L3MBTL4: variants seen among roughly 807,000 people sequenced by gnomAD.
L3MBTL4 encodes the protein lethal(3)malignant brain tumor-like protein 4.
L3MBTL4 carries 70 observed loss-of-function variants against 84.5 expected under a neutral mutation model. The observed-to-expected ratio is 0.83, with a 90% CI of 0.68 to 1.01. The LOEUF is 1.01. L3MBTL4 is among the 50% of genes least tolerant of loss of function. The pLI is 0.00. For synonymous variants in L3MBTL4, 274 were observed against 259.8 expected, an observed-to-expected ratio of 1.05 and a Z score of -0.52; for missense variants, 715 against 754.8, an observed-to-expected ratio of 0.95 and a Z score of 0.62.
At chr18:6,116,291 G>A (rs1261644913) in intron 14 of L3MBTL4, among the ~76,000 whole-genome samples, 1 of 152,076 alleles carries the variant, frequency 6.6e-6, no homozygotes, top group Non-Finnish European at 1.5e-5. Context: ...TGGGGGCATG[G>A]GAACGGGAGG....
rs139603909 is a variant in L3MBTL4 at position 6,320,090 on chromosome 18, A to G, written c.-90-8034T>C. 1.4e-3 allele frequency among the ~76,000 whole-genome samples: 209 copies of G among 152,148 alleles called. 5 individuals carry two copies. The East Asian group carries it at 0.035, about 26-fold the overall frequency. ...AGAAAAAATAAATTATAAAAACTCCAGTATCCCTTTATGATAAAAAACCCT... is the reference window on the plus strand; with the variant it reads ...AGAAAAAATAAATTATAAAAACTCCGGTATCCCTTTATGATAAAAAACCCT... On this transcript the variant is annotated intron_variant, in intron 1 of 18. Coordinates refer to ENST00000317931, the MANE Select transcript of L3MBTL4 (RefSeq NM_001330559.2).
At chr18:6,128,685 A>G (rs997600438) in intron 14 of L3MBTL4, among the ~76,000 whole-genome samples, 1 of 152,144 alleles carries the variant, frequency 6.6e-6, no homozygotes, top group Non-Finnish European at 1.5e-5. Context: ...TAGAAAAGTA[A>G]CTCCCTCGCA....
At position 6,394,664 on chromosome 18, in the gene L3MBTL4, T is replaced by C. The variant is rs1173489884; in HGVS notation, c.-91+20137A>G. On this transcript the variant is annotated intron_variant, in intron 1 of 18. Transcript: ENST00000317931. ...AGGCACCCAATAATTATTTGTGGAA[T>C]AAAGAAACTAGGCATTATACACCAA... Among the ~76,000 whole-genome samples, 38 of 152,072 alleles carry C rather than the reference T, an allele frequency of 2.5e-4. 1 individual carries two copies. The highest frequency in any genetic ancestry group is 7.4e-5 in the Non-Finnish European group (5 of 67,982).
chr18:5,981,256 T>G (rs910224103), intron 16 of L3MBTL4, among the ~76,000 whole-genome samples: 1 of 152,238 alleles, frequency 6.6e-6, no homozygotes, highest in Admixed American at 6.5e-5. Context: ...TTCTTTGTTA[T>G]GCAAGTAAAA....
At chr18:6,406,606 A>G (rs2055746507) in intron 1 of L3MBTL4, among the ~76,000 whole-genome samples, 1 of 152,128 alleles carries the variant, frequency 6.6e-6, no homozygotes, top group Admixed American at 6.5e-5. Context: ...GTCTGGAGAT[A>G]GTTTTCGTTG....
intron 16 of L3MBTL4, among the ~76,000 whole-genome samples, chr18:6,033,690 C>A (rs1170096670): frequency 6.6e-6 from 1 of 151,988 alleles, no homozygotes; most frequent in Non-Finnish European, 1.5e-5. Flanking sequence ...GCAAAAAATC[C>A]TTTTCCACTT....
chr18:6,056,262 CTTCGGACTTCAG>C (rs936220049), intron 16 of L3MBTL4, among the ~76,000 whole-genome samples: 1 of 152,108 alleles, frequency 6.6e-6, no homozygotes, highest in Non-Finnish European at 1.5e-5. Context: ...TGGCTTTTGC[CTTCGGACTTCAG>C]CGCCAATCTA....
chr18:6,350,070 C>T (rs558586744), intron 1 of L3MBTL4, among the ~76,000 whole-genome samples: 1 of 152,164 alleles, frequency 6.6e-6, no homozygotes, highest in Non-Finnish European at 1.5e-5. Context: ...AATAATGGAG[C>T]TGGTCCTTTA....
intron 1 of L3MBTL4, among the ~76,000 whole-genome samples, chr18:6,370,452 C>G (rs1207487797): frequency 6.6e-6 from 1 of 152,134 alleles, no homozygotes; most frequent in Non-Finnish European, 1.5e-5. Flanking sequence ...CAATGGGAAC[C>G]CAGATGGAAT....
intron 13 of L3MBTL4, among the ~76,000 whole-genome samples, chr18:6,156,248 C>G (rs2043098654): frequency 6.6e-6 from 1 of 152,190 alleles, no homozygotes; most frequent in Non-Finnish European, 1.5e-5. Flanking sequence ...TGAGTGTTCA[C>G]AGGACTATCT....
At chr18:6,354,855 T>G (rs1282980498) in intron 1 of L3MBTL4, among the ~76,000 whole-genome samples, 1 of 152,200 alleles carries the variant, frequency 6.6e-6, no homozygotes, top group Non-Finnish European at 1.5e-5. Context: ...GTACAACCAC[T>G]ATGGAGAACA....
At chr18:6,123,306 A>T (rs2059584631) in intron 14 of L3MBTL4, among the ~76,000 whole-genome samples, 1 of 152,196 alleles carries the variant, frequency 6.6e-6, no homozygotes, top group Admixed American at 6.5e-5. Flanking sequence ...TCTCTTAAAC[A>T]ATATTGAGAT....
chr18:6,404,728 C>G lies in L3MBTL4; in HGVS notation c.-91+10073G>C, dbSNP rs1380438761. Among the ~76,000 whole-genome samples the G allele has an allele frequency of 2.7e-5, 4 of 148,706 alleles. No homozygotes were observed. In the East Asian group the frequency reaches 5.9e-4, roughly 22 times the overall value. On this transcript the variant is annotated intron_variant, in intron 1 of 18. Transcript: ENST00000317931. The stretch of plus-strand genomic sequence containing the variant: ...TTGAGATAGGGTCTCATTCTGTCAC[C>G]TAGGCTGGAGTGAAGTGGCTCAAAC...
intron 13 of L3MBTL4, among the ~76,000 whole-genome samples, chr18:6,163,307 G>GT (rs765007732): frequency 0.29 from 22,202 of 76,162 alleles, 3,434 homozygotes; most frequent in Non-Finnish European, 0.33. Context: ...GTGTGTGTGT[G>GT]GGTGGGTGTG....
intron 4 of L3MBTL4, among the ~76,000 whole-genome samples, chr18:6,290,609 C>T (rs1453719393): frequency 6.6e-6 from 1 of 151,976 alleles, no homozygotes; most frequent in East Asian, 1.9e-4. Flanking sequence ...CTCATTGCAA[C>T]CTCAACCTCC....
intron 5 of L3MBTL4, among the ~76,000 whole-genome samples, chr18:6,258,125 C>T (rs942619253): frequency 6.6e-6 from 1 of 152,120 alleles, no homozygotes; most frequent in Non-Finnish European, 1.5e-5. Flanking sequence ...AAGAGGTGTG[C>T]TGAGTGATGG....
intron 4 of L3MBTL4, among the ~76,000 whole-genome samples, chr18:6,270,402 G>T (rs1390417519): frequency 6.6e-6 from 1 of 152,148 alleles, no homozygotes; most frequent in African/African-American, 2.4e-5. Flanking sequence ...CCCTCACACC[G>T]CATTTACTCG....
intron 11 of L3MBTL4, 146 bp from the exon 12 acceptor site, chr18:6,213,405 T>C: frequency 1.8e-6 from 1 of 564,410 alleles, no homozygotes; most frequent in South Asian, 2.7e-5. Context: ...TTTTGCTTTT[T>C]TGTTTTTGTT....
At chr18:6,163,354 T>A (rs965090919) in intron 13 of L3MBTL4, among the ~76,000 whole-genome samples, 1 of 150,378 alleles carries the variant, frequency 6.6e-6, no homozygotes, top group African/African-American at 2.4e-5. Context: ...GGATGACATA[T>A]ATTGAACCAC....
Sources: allele counts gnomAD v4.1 joint callset (sites outside exome capture counted in the v4.1 genomes callset), GRCh38; gene constraint gnomAD v4.1.1; transcripts MANE v1.5; gene names NCBI Gene and HGNC (gene_info 2026-07-23, HGNC 2026-07-21).